Variants in TTLL11 observed in about 807,000 individuals in gnomAD.
TTLL11 encodes the protein tubulin tyrosine ligase like 11, also known as tubulin polyglutamylase TTLL11.
A neutral mutation model predicts 51.7 loss-of-function variants in TTLL11; 42 were observed. The ratio of observed to expected loss-of-function variants is 0.81; its 90% CI spans 0.64 to 1.05. TTLL11 has a LOEUF of 1.05. TTLL11 is among the 50% of genes least tolerant of loss of function. The probability of loss-of-function intolerance (pLI) is 0.00; values close to 1 mark genes in which losing one functional copy is unlikely to be tolerated. For synonymous variants in TTLL11, 381 were observed against 383.5 expected, an observed-to-expected ratio of 0.99 and a Z score of 0.08; for missense variants, 799 against 940.4, an observed-to-expected ratio of 0.85 and a Z score of 1.97.
Position 121,995,469 on chromosome 9 carries a change from G to C in TTLL11, c.694-5699C>G, listed in dbSNP as rs930177531. On this transcript the variant is annotated intron_variant, in intron 3 of 8. Transcript: ENST00000321582. This position sits in a 1 kb window ranked among gnomAD's most constrained non-coding sequence, Gnocchi z 4.4. The stretch of plus-strand genomic sequence containing the variant: ...GGAGCTGAGAGAAGAGGTAGAATCA[G>C]GGCACCTGGTGACTGGACAGATGTG... Among the ~76,000 whole-genome samples, 1 of 152,144 alleles carries C rather than the reference G, an allele frequency of 6.6e-6. No homozygotes were observed. The highest frequency in any genetic ancestry group is 2.4e-5 in the African/African-American group (1 of 41,426).
rs777159523 is a variant in TTLL11 at position 121,990,959 on chromosome 9, G to A, written c.694-1189C>T. 5.9e-5 allele frequency among the ~76,000 whole-genome samples: 9 copies of A among 152,168 alleles called. No homozygotes were observed. The South Asian group carries it at 6.2e-4, about 11-fold the overall frequency. ...GGTGCTTCCTGCAGCTATGGAGAGCGGATGGACTGAAATGGCAGGAGAGGA... is the reference window on the plus strand; with the variant it reads ...GGTGCTTCCTGCAGCTATGGAGAGCAGATGGACTGAAATGGCAGGAGAGGA... On this transcript the variant is annotated intron_variant, in intron 3 of 8. Coordinates refer to ENST00000321582, the MANE Select transcript of TTLL11 (RefSeq NM_001139442.2).
chr9:122,018,052 AT>A (rs1341589053), intron 3 of TTLL11, among the ~76,000 whole-genome samples: 1 of 151,530 alleles, frequency 6.6e-6, no homozygotes, highest in Non-Finnish European at 1.5e-5. Flanking sequence ...TACTAATTGA[AT>A]TTTTACTATC....
At chr9:121,923,102 G>C (rs10985450) in intron 6 of TTLL11, among the ~76,000 whole-genome samples, 126,470 of 152,158 alleles carry the variant, frequency 0.83, 53,775 homozygotes, top group Non-Finnish European at 0.93. Flanking sequence ...GACTTTGCAT[G>C]AGGATCTTCA....
rs1419896625 is a variant in TTLL11, at chr9:121,821,562, A to G, written c.*1025T>C. Among the ~76,000 whole-genome samples, 1 of 152,068 alleles carries G rather than the reference A, an allele frequency of 6.6e-6. No homozygotes were observed. Among genetic ancestry groups the G allele is most frequent in the Non-Finnish European group, 1.5e-5 (1 of 68,004 alleles). ...CTTGGCATGCCCAAGGCTGTTTCCA[A>G]AATGCCACCTTCTGCTGCCTGTGAG... is the stretch of plus-strand genomic sequence containing the variant. On this transcript the variant is annotated 3_prime_UTR_variant, in exon 9 of 9. Transcript: ENST00000321582. This position sits in a 1 kb window ranked among gnomAD's most constrained non-coding sequence, Gnocchi z 5.0.
chr9:121,958,003 G>A (rs7040239), intron 6 of TTLL11, among the ~76,000 whole-genome samples: 11,787 of 152,254 alleles, frequency 0.077, 687 homozygotes, highest in African/African-American at 0.16. Context: ...GTCAGATAGC[G>A]TATGTCATGT....
chr9:121,933,324 G>T (rs1841066171), intron 6 of TTLL11, among the ~76,000 whole-genome samples: 1 of 152,240 alleles, frequency 6.6e-6, no homozygotes, highest in Non-Finnish European at 1.5e-5. Flanking sequence ...TTACAGAGTA[G>T]TGGAGAATGG....
chr9:121,876,557 A>AATGTGAG (rs1838573483), intron 6 of TTLL11, among the ~76,000 whole-genome samples: 1 of 152,220 alleles, frequency 6.6e-6, no homozygotes, highest in Non-Finnish European at 1.5e-5. Flanking sequence ...CAGGACCCTG[A>AATGTGAG]ATGTGAGAGA....
At chr9:122,036,104 C>T (rs930184735) in intron 2 of TTLL11, among the ~76,000 whole-genome samples, 5 of 152,126 alleles carry the variant, frequency 3.3e-5, no homozygotes, top group South Asian at 2.1e-4. Flanking sequence ...TTAGGTTGCC[C>T]GCCCTTGCTC....
At chr9:121,953,877 A>G (rs1230133523) in intron 6 of TTLL11, among the ~76,000 whole-genome samples, 1 of 152,178 alleles carries the variant, frequency 6.6e-6, no homozygotes, top group East Asian at 1.9e-4. Flanking sequence ...CTGGAGTTCT[A>G]TCAGAACAGC....
chr9:121,816,372 G>A lies in TTLL11; in HGVS notation c.*6215C>T, dbSNP rs1440281257. The A allele has an allele frequency of 6.6e-6, 1 of 152,198 alleles. No homozygotes were observed. Among genetic ancestry groups the A allele is most frequent in the Non-Finnish European group, 1.5e-5 (1 of 68,046 alleles). 9.4% of individuals were successfully genotyped at this position (152,198 alleles called of 1,614,324 possible). A position where few individuals can be genotyped will look rare whatever the true frequency, so the allele number is the denominator to read the frequency against. On this transcript the variant is annotated 3_prime_UTR_variant, in exon 9 of 9. Coordinates refer to ENST00000321582, the MANE Select transcript of TTLL11 (RefSeq NM_001139442.2). ...TCTTAGCAAACACCTTCATGTTGGA[G>A]GACATGTTTCCCGTGAGCCTCTTGG...
intron 1 of TTLL11, among the ~76,000 whole-genome samples, chr9:122,084,305 G>T (rs1403889901): frequency 2.6e-5 from 4 of 152,160 alleles, no homozygotes; most frequent in African/African-American, 7.2e-5. Flanking sequence ...GAAGCCGCCA[G>T]AAATGCCTGC....
chr9:121,854,492 G>C (rs1346027901), intron 8 of TTLL11, among the ~76,000 whole-genome samples: 1 of 152,120 alleles, frequency 6.6e-6, no homozygotes, highest in Non-Finnish European at 1.5e-5. Context: ...TCTTAAAATA[G>C]CAAAAACATC....
At chr9:121,826,668 C>T (rs1229787285) in intron 8 of TTLL11, among the ~76,000 whole-genome samples, 1 of 149,834 alleles carries the variant, frequency 6.7e-6, no homozygotes, top group Non-Finnish European at 1.5e-5. Context: ...CACCTTATTC[C>T]CAGAAACCCT....
chr9:122,088,879 G>A (rs2131941799), intron 1 of TTLL11, among the ~76,000 whole-genome samples: 1 of 152,066 alleles, frequency 6.6e-6, no homozygotes, highest in Non-Finnish European at 1.5e-5. Context: ...GGTGACACAT[G>A]CCTGTAATCT....
intron 8 of TTLL11, among the ~76,000 whole-genome samples, chr9:121,857,331 C>T (rs1014288374): frequency 6.6e-6 from 1 of 152,220 alleles, no homozygotes; most frequent in Non-Finnish European, 1.5e-5. Context: ...TGAACAAGCA[C>T]TGCTTGGTGT....
chr9:121,858,871 C>T (rs1837911755), intron 8 of TTLL11, among the ~76,000 whole-genome samples: 2 of 152,192 alleles, frequency 1.3e-5, no homozygotes, highest in African/African-American at 2.4e-5. Flanking sequence ...ATCTGGATCT[C>T]CCAACCTGAC....
At chr9:122,080,263 C>T (rs1845968773) in intron 1 of TTLL11, among the ~76,000 whole-genome samples, 1 of 152,164 alleles carries the variant, frequency 6.6e-6, no homozygotes, top group Non-Finnish European at 1.5e-5. Context: ...TTATAGGAAC[C>T]CTCAGAGCTG....
chr9:122,047,995 T>C (rs556855144), intron 1 of TTLL11, among the ~76,000 whole-genome samples: 23 of 152,062 alleles, frequency 1.5e-4, no homozygotes, highest in African/African-American at 5.5e-4. Context: ...CTCTGGCTGA[T>C]CTCTTAGCTT....
At chr9:121,921,535 C>A (rs1326249154) in intron 6 of TTLL11, among the ~76,000 whole-genome samples, 1 of 152,116 alleles carries the variant, frequency 6.6e-6, no homozygotes, top group Non-Finnish European at 1.5e-5. Context: ...ATTTACACAC[C>A]CTTTCAGAAG....
Sources: gnomAD v4.1 joint callset for allele counts (sites outside exome capture counted in the v4.1 genomes callset) on GRCh38, gnomAD v4.1.1 for gene constraint, Gnocchi (gnomAD v3.1) non-coding constraint, MANE v1.5 for transcripts, NCBI Gene and HGNC (gene_info 2026-07-23, HGNC 2026-07-21) for gene names.